COL4A2: variants seen among roughly 807,000 people sequenced by gnomAD.
COL4A2 encodes the protein collagen alpha-2(IV) chain.
Under a neutral mutation model 200.2 loss-of-function variants are expected in COL4A2, and 99 were observed. The observed-to-expected ratio is 0.49, with a 90% CI of 0.42 to 0.58. The LOEUF is 0.58. Ranked by LOEUF, COL4A2 falls within the 20% of genes least tolerant of loss-of-function variation. The pLI is 0.00. For missense variants in COL4A2, 1,950 were observed against 2,314.1 expected, an observed-to-expected ratio of 0.84 and a Z score of 3.23; for synonymous variants, 897 against 900.6, an observed-to-expected ratio of 1.00 and a Z score of 0.07.
At chr13:110,360,566 G>A (rs905647776) in intron 4 of COL4A2, among the ~76,000 whole-genome samples, 1 of 152,160 alleles carries the variant, frequency 6.6e-6, no homozygotes, top group African/African-American at 2.4e-5. Context: ...TTATTTCCCA[G>A]CGTCCCTAGT....
chr13:110,497,780 C>T (rs1039409318), intron 40 of COL4A2, among the ~76,000 whole-genome samples: 2 of 148,694 alleles, frequency 1.3e-5, no homozygotes, highest in Non-Finnish European at 3.0e-5. Flanking sequence ...AGCACAGCCT[C>T]AGTCAGGGGT....
At position 110,491,356 on chromosome 13, in the gene COL4A2, G is replaced by A. The variant is rs1268103293; in HGVS notation, c.3454+16G>A. The stretch of plus-strand genomic sequence containing the variant: ...GGACAAACAGGTAAAATCTCCCGCA[G>A]CCACACAGCCTTCCTCAGGCAGGCC... On this transcript the variant is annotated intron_variant, in intron 37 of 47. Transcript: ENST00000360467. 6.6e-7 allele frequency: 1 copy of A among 1,521,470 alleles called. No individual in the cohort carries two copies. The highest frequency in any genetic ancestry group is 1.9e-5 in the Admixed American group (1 of 53,428). 94.2% of individuals were successfully genotyped at this position (1,521,470 alleles called of 1,614,324 possible).
chr13:110,494,635 C>T lies in COL4A2; in HGVS notation c.3635-707C>T, dbSNP rs888801810. ...AGAAGAATGGCGTGAACCCGGGAGGCGGAGCTTGCAGTGAGCCGAGATCGC... is the reference window on the plus strand; with the variant it reads ...AGAAGAATGGCGTGAACCCGGGAGGTGGAGCTTGCAGTGAGCCGAGATCGC... On this transcript the variant is annotated intron_variant, in intron 39 of 47. Coordinates refer to ENST00000360467, the MANE Select transcript of COL4A2 (RefSeq NM_001846.4). Among the ~76,000 whole-genome samples, 27 of 151,164 alleles carry T rather than the reference C, an allele frequency of 1.8e-4. No individual in the cohort carries two copies. The South Asian group carries it at 1.9e-3, about 11-fold the overall frequency.
intron 3 of COL4A2, among the ~76,000 whole-genome samples, chr13:110,331,512 C>G (rs553796026): frequency 6.6e-6 from 1 of 152,174 alleles, no homozygotes; most frequent in Non-Finnish European, 1.5e-5. Flanking sequence ...CCGCTGACTT[C>G]CACGGTGCTG....
In COL4A2 at chr13:110,493,813, G is replaced by A. The variant is rs973347740; in HGVS notation, c.3634+531G>A. 6.9e-5 allele frequency among the ~76,000 whole-genome samples: 7 copies of A among 101,810 alleles called. No homozygotes were observed. In the East Asian group the frequency reaches 1.4e-3, roughly 20 times the overall value. The allele number at this position is 101,810 out of a possible 152,430, so 66.8% of individuals were successfully genotyped here. A position where few individuals can be genotyped will look rare whatever the true frequency, so the allele number is the denominator to read the frequency against. The stretch of plus-strand genomic sequence containing the variant: ...CTGGGATCAGCATGCCAGCGTGGTC[G>A]GGTTCTGGGGGGGGCCGCGTCCTGG... On this transcript the variant is annotated intron_variant, in intron 39 of 47. Coordinates refer to ENST00000360467, the MANE Select transcript of COL4A2 (RefSeq NM_001846.4).
chr13:110,474,124 C>T (rs1045850575), intron 29 of COL4A2, among the ~76,000 whole-genome samples: 4 of 130,950 alleles, frequency 3.1e-5, no homozygotes, highest in Non-Finnish European at 6.8e-5. Flanking sequence ...GAGACTCTGT[C>T]TCAAAAAGAA....
At position 110,512,091 on chromosome 13, in the gene COL4A2, C is replaced by G; in HGVS notation, c.5039C>G (p.Pro1680Arg). The G allele has an allele frequency of 6.2e-7, 1 of 1,613,776 alleles. No individual in the cohort carries two copies. Among genetic ancestry groups the G allele is most frequent in the Non-Finnish European group, 8.5e-7 (1 of 1,180,044 alleles). The change falls in exon 48 of 48, where the codon CCC becomes CGC. Residue 1680 changes from proline to arginine, a missense_variant. Transcript: ENST00000360467. ...NKYSFWLTTI[P>R]EQSFQGSPSA... ...TACAGCTTCTGGCTGACCACCATTC[C>G]CGAGCAGAGCTTCCAGGGCTCGCCC...
At chr13:110,337,757 A>T (rs1459160391) in intron 3 of COL4A2, among the ~76,000 whole-genome samples, 1 of 152,220 alleles carries the variant, frequency 6.6e-6, no homozygotes, top group Non-Finnish European at 1.5e-5. Context: ...TCCCTGCAGC[A>T]GGTTCTGCTG....
intron 17 of COL4A2, among the ~76,000 whole-genome samples, chr13:110,446,167 CAA>C (rs1261432125): frequency 6.6e-6 from 1 of 152,164 alleles, no homozygotes; most frequent in Admixed American, 6.5e-5. Flanking sequence ...CTTGTAGTAA[CAA>C]GAGGGTGCGG....
chr13:110,505,321 G>T (rs1390036375), intron 45 of COL4A2, among the ~76,000 whole-genome samples: 1 of 152,094 alleles, frequency 6.6e-6, no homozygotes, highest in East Asian at 1.9e-4. Flanking sequence ...CTGCACTCCA[G>T]CCTGGGGGAC....
chr13:110,400,785 G>T (rs1879346449), intron 4 of COL4A2, among the ~76,000 whole-genome samples: 1 of 152,124 alleles, frequency 6.6e-6, no homozygotes, highest in South Asian at 2.1e-4. Flanking sequence ...GAGATTTCCT[G>T]CCCACGTACA....
chr13:110,375,441 T>C (rs1485572868), intron 4 of COL4A2, among the ~76,000 whole-genome samples: 4 of 152,208 alleles, frequency 2.6e-5, no homozygotes, highest in Admixed American at 6.5e-5. Flanking sequence ...CAGTTGGGCA[T>C]TGCAGGGACT....
chr13:110,331,508 A>C (rs1875912645), intron 3 of COL4A2, among the ~76,000 whole-genome samples: 1 of 152,124 alleles, frequency 6.6e-6, no homozygotes, highest in Non-Finnish European at 1.5e-5. Context: ...TGGGCCGCTG[A>C]CTTCCACGGT....
intron 40 of COL4A2, among the ~76,000 whole-genome samples, chr13:110,499,909 C>T (rs542991425): frequency 9.2e-5 from 14 of 152,320 alleles, no homozygotes; most frequent in East Asian, 3.9e-4. Flanking sequence ...CCATCTGTTT[C>T]GGGTACTTTG....
At chr13:110,471,651 C>T (rs1419155083) in intron 28 of COL4A2, among the ~76,000 whole-genome samples, 5 of 152,152 alleles carry the variant, frequency 3.3e-5, no homozygotes, top group Admixed American at 1.3e-4. Flanking sequence ...AGCTGATTAA[C>T]GTCAGGTTAA....
At chr13:110,476,741 A>G (rs892429695) in intron 29 of COL4A2, among the ~76,000 whole-genome samples, 16 of 152,352 alleles carry the variant, frequency 1.1e-4, no homozygotes, top group South Asian at 6.2e-4. Context: ...GAGAGGGGGA[A>G]ATGCCTGAAT....
intron 4 of COL4A2, among the ~76,000 whole-genome samples, chr13:110,390,648 G>A (rs1878951612): frequency 6.6e-6 from 1 of 152,210 alleles, no homozygotes; most frequent in African/African-American, 2.4e-5. Context: ...TTTAGGGACT[G>A]GAAAGTCCAT....
intron 10 of COL4A2, 37 bp downstream of exon 10, chr13:110,430,644 T>A: frequency 6.2e-7 from 1 of 1,613,908 alleles, no homozygotes. Context: ...TCTGGGACCA[T>A]CGTCCGGTCA....
chr13:110,498,215 G>A (rs1204742068), intron 40 of COL4A2, among the ~76,000 whole-genome samples: 1 of 152,244 alleles, frequency 6.6e-6, no homozygotes, highest in Non-Finnish European at 1.5e-5. Context: ...TGAGTATTGG[G>A]AGGATACAAT....
Sources: allele counts gnomAD v4.1 joint callset (sites outside exome capture counted in the v4.1 genomes callset), GRCh38; gene constraint gnomAD v4.1.1; transcripts MANE v1.5; gene names NCBI Gene and HGNC (gene_info 2026-07-23, HGNC 2026-07-21).